The following SPG11 variants were observed in gnomAD, a reference collection of about 807,000 sequenced individuals.
SPG11 encodes spatacsin.
SPG11 carries 222 observed loss-of-function variants against 274.0 expected under a neutral mutation model. The observed-to-expected ratio is 0.81, with a 90% CI of 0.73 to 0.91. SPG11 has a LOEUF of 0.91. Ranked by LOEUF, SPG11 falls within the 40% of genes least tolerant of loss-of-function variation. SPG11 has a pLI of 0.00. For missense variants in SPG11, 3,114 were observed against 2,872.7 expected (o/e 1.08, Z -1.92); for synonymous variants, 1,144 against 1,039.7 (o/e 1.10, Z -1.93).
At chr15:44,592,616 C>T (rs1047269163) in intron 26 of SPG11, among the ~76,000 whole-genome samples, 178 bp from the exon 27 acceptor site, 5 of 151,998 alleles carry the variant, frequency 3.3e-5, no homozygotes, top group East Asian at 1.9e-4. Flanking sequence ...GCCAGGAGTT[C>T]GAGACCACCC....
chr15:44,590,833 C>G (rs1265752206), intron 27 of SPG11: 2 of 152,150 alleles, frequency 1.3e-5, no homozygotes, highest in East Asian at 3.8e-4. Flanking sequence ...AGGCCCTAGT[C>G]TTGGCTGAAT....
rs748331814 is a variant in SPG11 at position 44,620,391 on chromosome 15, T to A, written c.2633A>T (p.Tyr878Phe). The stretch of plus-strand genomic sequence containing the variant: ...GTATCTCCAGAGGGCTTCAGGGGAA[T>A]ATGATTTGTATTCTACATGAAAAAA... ...PRISPEEYKS[Y>F]SPEALWRYLT... Residue 878 changes from tyrosine (Y) to phenylalanine (F), a missense_variant, in exon 15 of 40, where the codon TAT becomes TTT. By Grantham distance (22) the Tyr-to-Phe change is conservative (BLOSUM62 3). Coordinates refer to ENST00000261866, the MANE Select transcript of SPG11 (RefSeq NM_025137.4). 1.2e-6 allele frequency: 2 copies of A among 1,612,382 alleles called. No homozygotes were observed. The highest frequency in any genetic ancestry group is 1.7e-6 in the Non-Finnish European group (2 of 1,178,606).
At chr15:44,571,734 T>A (rs1302570338) in intron 33 of SPG11, among the ~76,000 whole-genome samples, 1 of 152,116 alleles carries the variant, frequency 6.6e-6, no homozygotes, top group Admixed American at 6.6e-5. Context: ...CCTGACCTCA[T>A]GATCCACCCG....
chr15:44,567,697 G>C, intron 35 of SPG11, 105 bp from the exon 36 acceptor site: 1 of 1,150,058 alleles, frequency 8.7e-7, no homozygotes, highest in South Asian at 1.3e-5. Flanking sequence ...CTCCCAAGAA[G>C]AAGAGGAGCA....
rs750025536 is a variant in SPG11, at chr15:44,608,440, G to A, written c.3453+4C>T. On this transcript the variant is annotated splice_donor_region_variant and intron_variant, in intron 19 of 39. Coordinates refer to ENST00000261866, the MANE Select transcript of SPG11 (RefSeq NM_025137.4). ...CCTAAATATTGGCCACCTAAATACT[G>A]TACCTGAATAAGGTGGTAGATTGTA... The A allele has an allele frequency of 8.1e-6, 13 of 1,613,862 alleles. No individual in the cohort carries two copies. In the African/African-American group the frequency reaches 1.6e-4, roughly 20 times the overall value.
chr15:44,603,680 C>T (rs1366201462), intron 20 of SPG11, among the ~76,000 whole-genome samples: 2 of 152,088 alleles, frequency 1.3e-5, no homozygotes, highest in Non-Finnish European at 2.9e-5. Context: ...GTTCCTGAAA[C>T]CCTTGGATAC....
intron 15 of SPG11, among the ~76,000 whole-genome samples, chr15:44,616,681 C>T (rs1321056069): frequency 6.6e-6 from 1 of 152,018 alleles, no homozygotes; most frequent in Non-Finnish European, 1.5e-5. Flanking sequence ...TGTTATTTTT[C>T]ATTATTATAT....
At chr15:44,622,032 C>T (rs544463000) in intron 13 of SPG11, 98 bp from the exon 14 acceptor site, 10 of 1,178,782 alleles carry the variant, frequency 8.5e-6, no homozygotes, top group Middle Eastern at 2.8e-4. Context: ...TTGGGGAACA[C>T]ATAATTCTGA....
At chr15:44,570,238 C>G (rs973640437) in intron 34 of SPG11, among the ~76,000 whole-genome samples, 2 of 152,192 alleles carry the variant, frequency 1.3e-5, no homozygotes, top group African/African-American at 4.8e-5. Flanking sequence ...ATGCAGCTGT[C>G]TTAGCCCTCT....
chr15:44,646,690 G>A (rs922580604), intron 7 of SPG11, among the ~76,000 whole-genome samples: 12 of 152,188 alleles, frequency 7.9e-5, no homozygotes, highest in Non-Finnish European at 1.3e-4. Context: ...CACGGATGGA[G>A]CTAGAGGCCA....
intron 15 of SPG11, chr15:44,619,981 G>A: frequency 1.9e-6 from 1 of 520,960 alleles, no homozygotes; most frequent in Non-Finnish European, 3.5e-6. Context: ...CTCCCAAAGT[G>A]CTGAGATTAC....
At chr15:44,599,530 G>C (rs528830227) in intron 21 of SPG11, among the ~76,000 whole-genome samples, 9 of 152,142 alleles carry the variant, frequency 5.9e-5, no homozygotes, top group Admixed American at 5.2e-4. Context: ...AAACTCCTGA[G>C]GTTGTGATCC....
At chr15:44,568,566 C>G (rs899884185) in intron 35 of SPG11, among the ~76,000 whole-genome samples, 5 of 152,240 alleles carry the variant, frequency 3.3e-5, no homozygotes, top group Non-Finnish European at 7.3e-5. Context: ...TGAGGACACA[C>G]GGGCTTGCAG....
intron 7 of SPG11, among the ~76,000 whole-genome samples, chr15:44,643,226 C>G (rs2084507026): frequency 6.6e-6 from 1 of 152,186 alleles, no homozygotes; most frequent in East Asian, 1.9e-4. Flanking sequence ...ATTTCCTAAC[C>G]TCTTTGTGCT....
intron 26 of SPG11, among the ~76,000 whole-genome samples, chr15:44,593,594 T>A (rs1567146348): frequency 6.6e-6 from 1 of 151,962 alleles, no homozygotes; most frequent in Non-Finnish European, 1.5e-5. Flanking sequence ...TCAGTGGGAG[T>A]CGCTCAGTCA....
chr15:44,566,036 G>C (rs867451306), intron 37 of SPG11, 27 bp from the exon 38 acceptor site: 2 of 1,613,016 alleles, frequency 1.2e-6, no homozygotes, highest in Middle Eastern at 1.8e-4. Flanking sequence ...GAGAGGCACA[G>C]TAGAGAAAGA....
rs2084307412 is a variant in SPG11, at chr15:44,637,312, T to G, written c.1603-3675A>C. ...AATGTGACAAATGGAAGATACATTTTGTTTTCCCTTTTTTCTTTGGAGACA... is the reference window on the plus strand; with the variant it reads ...AATGTGACAAATGGAAGATACATTTGGTTTTCCCTTTTTTCTTTGGAGACA... On this transcript the variant is annotated intron_variant, in intron 7 of 39. Transcript: ENST00000261866. Among the ~76,000 whole-genome samples, 3 of 152,262 alleles carry G rather than the reference T, an allele frequency of 2.0e-5. 1 individual carries two copies. The highest frequency in any genetic ancestry group is 4.2e-4 in the South Asian group (2 of 4,818).
rs2084788162 is a variant in SPG11 at position 44,651,818 on chromosome 15, G to C, written c.1129C>G (p.His377Asp). 1.2e-6 allele frequency: 2 copies of C among 1,613,984 alleles called. No homozygotes were observed. The highest frequency in any genetic ancestry group is 1.7e-5 in the Admixed American group (1 of 60,004). Residue 377 changes from histidine (H) to aspartate (D), a missense_variant, in exon 6 of 40, where the codon CAC becomes GAC. Transcript: ENST00000261866. ...LHLESPESGN[H>D]STSVQSWAFI... The stretch of plus-strand genomic sequence containing the variant: ...GCCCAGCTCTGCACACTTGTACTGT[G>C]GTTACCAGATTCAGGTGACTCCAAA...
chr15:44,579,437 G>C (rs1873012483), intron 30 of SPG11, among the ~76,000 whole-genome samples: 1 of 144,370 alleles, frequency 6.9e-6, no homozygotes, highest in African/African-American at 2.6e-5. Flanking sequence ...TGAGACAGGA[G>C]AATTGCTTGA....
Sources: gnomAD v4.1 joint callset for allele counts (sites outside exome capture counted in the v4.1 genomes callset) on GRCh38, gnomAD v4.1.1 for gene constraint, MANE v1.5 for transcripts, NCBI Gene and HGNC (gene_info 2026-07-23, HGNC 2026-07-21) for gene names.